The following PCSK5 variants were observed in gnomAD, a reference collection of about 807,000 sequenced individuals.
PCSK5 encodes the protein prohormone convertase 5.
Under a neutral mutation model 233.2 loss-of-function variants are expected in PCSK5, and 129 were observed. The observed-to-expected ratio is 0.55, with a 90% confidence interval of 0.48 to 0.64. PCSK5 has a LOEUF of 0.64. PCSK5 is among the 30% of genes least tolerant of loss of function. PCSK5 has a pLI of 0.00. For missense variants in PCSK5, 2,076 were observed against 2,430.1 expected, an observed-to-expected ratio of 0.85 and a Z score of 3.06; for synonymous variants, 825 against 879.2, an observed-to-expected ratio of 0.94 and a Z score of 1.09.
intron 24 of PCSK5, among the ~76,000 whole-genome samples, chr9:76,282,318 C>A (rs1227469032): frequency 1.4e-5 from 2 of 145,996 alleles, no homozygotes; most frequent in African/African-American, 2.5e-5. Flanking sequence ...TTCTTTCTTT[C>A]TTTTTCTTTC....
intron 9 of PCSK5, among the ~76,000 whole-genome samples, chr9:76,126,167 CTGCG>C (rs1280881982): frequency 1.6e-5 from 1 of 61,506 alleles, no homozygotes; most frequent in Admixed American, 1.5e-4. Context: ...TGATTTTTTC[CTGCG>C]TGTGTGTGTA....
At chr9:76,234,578 G>T (rs73460392) in intron 22 of PCSK5, among the ~76,000 whole-genome samples, 4,904 of 152,234 alleles carry the variant, frequency 0.032, 264 homozygotes, top group African/African-American at 0.11. Context: ...TAAATTCATT[G>T]CTTTGTGTTT....
rs59571465 is a variant in PCSK5, at chr9:76,271,726, C to T, written c.3143-20507C>T. ...ACAACAACAGAAATGTATTCTCTCA[C>T]AGTTCTGGAGGCTGGAAGTCCAAAA... On this transcript the variant is annotated intron_variant, in intron 24 of 37. Transcript: ENST00000674117. Among the ~76,000 whole-genome samples the T allele has an allele frequency of 3.9e-3, 595 of 152,222 alleles. 4 individuals carry two copies. The highest frequency in any genetic ancestry group is 0.014 in the African/African-American group (561 of 41,546).
chr9:75,932,306 CA>C, intron 1 of PCSK5, 72 bp from the exon 2 acceptor site: 1 of 905,440 alleles, frequency 1.1e-6, no homozygotes, highest in Non-Finnish European at 1.8e-6. Flanking sequence ...AAATGAAAAA[CA>C]GGAAAACAGA....
intron 5 of PCSK5, among the ~76,000 whole-genome samples, chr9:76,027,463 T>G (rs758908440): frequency 2.4e-4 from 37 of 152,170 alleles, no homozygotes; most frequent in Admixed American, 6.5e-4. Flanking sequence ...CCTCCTTCGC[T>G]CCTCTCTCCT....
intron 2 of PCSK5, among the ~76,000 whole-genome samples, chr9:75,970,272 T>A (rs956246412): frequency 6.6e-6 from 1 of 152,216 alleles, no homozygotes; most frequent in Admixed American, 6.5e-5. Flanking sequence ...AGCAGCTGGG[T>A]AACTAAGGCT....
intron 3 of PCSK5, among the ~76,000 whole-genome samples, chr9:76,022,723 T>A (rs1006837794): frequency 4.6e-5 from 7 of 152,224 alleles, no homozygotes; most frequent in Non-Finnish European, 7.3e-5. Context: ...CATTGCAGAA[T>A]GAAATTACTA....
chr9:76,196,988 G>A (rs1304719179), intron 20 of PCSK5, among the ~76,000 whole-genome samples: 2 of 152,162 alleles, frequency 1.3e-5, no homozygotes, highest in East Asian at 1.9e-4. Flanking sequence ...GAATTGGACT[G>A]GTCAGTTCCC....
intron 35 of PCSK5, among the ~76,000 whole-genome samples, chr9:76,338,949 C>G (rs543126336): frequency 1.3e-5 from 2 of 151,974 alleles, no homozygotes; most frequent in Non-Finnish European, 2.9e-5. Context: ...ACCCACCCAC[C>G]TCCAACAAAG....
chr9:76,024,435 A>G (rs1217000838), intron 4 of PCSK5, among the ~76,000 whole-genome samples: 1 of 152,226 alleles, frequency 6.6e-6, no homozygotes, highest in Non-Finnish European at 1.5e-5. Flanking sequence ...TTTACAGAAT[A>G]GAATTTTCAA....
chr9:76,145,382 A>G (rs969419105), intron 10 of PCSK5, among the ~76,000 whole-genome samples: 8 of 152,116 alleles, frequency 5.3e-5, no homozygotes, highest in Non-Finnish European at 1.2e-4. Flanking sequence ...ACATTGGCAT[A>G]TGTTGGATAC....
chr9:76,110,645 A>G (rs1832172465), intron 9 of PCSK5, among the ~76,000 whole-genome samples: 1 of 152,040 alleles, frequency 6.6e-6, no homozygotes. Context: ...GCAGTGAGCT[A>G]TGATCACACC....
intron 2 of PCSK5, among the ~76,000 whole-genome samples, chr9:75,948,406 C>T (rs573071694): frequency 6.9e-6 from 1 of 145,300 alleles, no homozygotes; most frequent in Non-Finnish European, 1.5e-5. Flanking sequence ...TGAGAATGTG[C>T]GGTTTGGTTT....
intron 22 of PCSK5, among the ~76,000 whole-genome samples, chr9:76,235,459 T>A (rs1009490066): frequency 2.0e-5 from 3 of 152,118 alleles, no homozygotes; most frequent in Non-Finnish European, 4.4e-5. Flanking sequence ...AATCTACCTA[T>A]AAATGCACTG....
intron 16 of PCSK5, among the ~76,000 whole-genome samples, chr9:76,183,913 T>G (rs1823984291): frequency 6.6e-6 from 1 of 152,200 alleles, no homozygotes; most frequent in South Asian, 2.1e-4. Flanking sequence ...AGGACTTTCT[T>G]AATATGCCAA....
chr9:76,247,032 C>T (rs7858357), intron 24 of PCSK5, among the ~76,000 whole-genome samples: 1,923 of 152,254 alleles, frequency 0.013, 36 homozygotes, highest in African/African-American at 0.043. Context: ...CTGTGGGTCA[C>T]GGAAGAGAAC....
intron 2 of PCSK5, among the ~76,000 whole-genome samples, chr9:75,970,310 T>C (rs141582123): frequency 3.8e-4 from 58 of 152,340 alleles, no homozygotes; most frequent in African/African-American, 1.3e-3. Context: ...CTCTTTCTTT[T>C]TCAAAATTTG....
chr9:76,074,077 T>G lies in PCSK5; in HGVS notation c.894+2179T>G, dbSNP rs114500894. On this transcript the variant is annotated intron_variant, in intron 7 of 37. Coordinates refer to ENST00000674117, the MANE Select transcript of PCSK5 (RefSeq NM_001372043.1). ...ATTGGATAGATTATACACAAATGAG[T>G]GTAAAGATGAACTTAATAGATTTCC... is the stretch of plus-strand genomic sequence containing the variant. Among the ~76,000 whole-genome samples, 1,015 of 152,180 alleles carry G rather than the reference T, an allele frequency of 6.7e-3. 12 individuals carry two copies. The highest frequency in any genetic ancestry group is 0.024 in the African/African-American group (982 of 41,530).
chr9:76,298,016 G>T (rs72743106), intron 27 of PCSK5, among the ~76,000 whole-genome samples: 24,269 of 152,170 alleles, frequency 0.16, 2,152 homozygotes, highest in Middle Eastern at 0.33. Context: ...TCTTCTGTGA[G>T]TTATAGCTGA....
Sources: gnomAD v4.1 joint callset for allele counts (sites outside exome capture counted in the v4.1 genomes callset) on GRCh38, gnomAD v4.1.1 for gene constraint, MANE v1.5 for transcripts, NCBI Gene and HGNC (gene_info 2026-07-23, HGNC 2026-07-21) for gene names.